Variants in TRPC5 observed in about 807,000 individuals in gnomAD.
TRPC5 encodes transient receptor potential cation channel subfamily C member 5.
In TRPC5, 9 loss-of-function variants were observed where a neutral mutation model predicts 56.5. The observed-to-expected ratio is 0.16, with a 90% CI of 0.10 to 0.28. The LOEUF (loss-of-function observed/expected upper bound fraction) is 0.28. TRPC5 is among the 10% of genes least tolerant of loss of function. The pLI is 1.00. For missense variants in TRPC5, 469 were observed against 748.9 expected (o/e 0.63, Z 4.36); for synonymous variants, 282 against 278.5 (o/e 1.01, Z -0.13).
chrX:111,866,127 A>G (rs1480084139), intron 3 of TRPC5, among the ~76,000 whole-genome samples: 3 of 113,619 alleles, frequency 2.6e-5, no homozygotes, highest in African/African-American at 6.4e-5. Context: ...CTCTCTGACA[A>G]TCCATGGATG....
chrX:111,837,234 G>C (rs1922589710), intron 6 of TRPC5, among the ~76,000 whole-genome samples: 1 of 111,453 alleles, frequency 9.0e-6, no homozygotes, highest in South Asian at 3.8e-4. Flanking sequence ...CTACCAGCCA[G>C]GGCCAGGCAA....
intron 1 of TRPC5, among the ~76,000 whole-genome samples, chrX:112,009,995 T>TA (rs937441202): frequency 8.1e-5 from 9 of 111,179 alleles, no homozygotes; most frequent in East Asian, 2.8e-4. Context: ...TAAAGTATAA[T>TA]AAAAAAAATC....
At chrX:111,831,624 C>T (rs1304691383) in intron 7 of TRPC5, among the ~76,000 whole-genome samples, 1 of 112,014 alleles carries the variant, frequency 8.9e-6, no homozygotes, top group East Asian at 2.8e-4. Context: ...TTGGACTCTC[C>T]CCAAGCCATC....
intron 3 of TRPC5, among the ~76,000 whole-genome samples, chrX:111,892,398 A>G (rs1217553261): frequency 8.9e-6 from 1 of 112,048 alleles, no homozygotes; most frequent in African/African-American, 3.2e-5. Context: ...GTTTCTAAAG[A>G]TTTAATGCTT....
intron 1 of TRPC5, among the ~76,000 whole-genome samples, chrX:112,076,768 T>A (rs1301622899): frequency 8.9e-6 from 1 of 111,996 alleles, no homozygotes; most frequent in Non-Finnish European, 1.9e-5. Flanking sequence ...ACTTCTGACT[T>A]CAGTCTTCTT....
intron 7 of TRPC5, among the ~76,000 whole-genome samples, chrX:111,784,776 C>T (rs1945947660): frequency 8.8e-6 from 1 of 113,025 alleles, no homozygotes; most frequent in East Asian, 2.8e-4. Flanking sequence ...CTCTCCCGTG[C>T]CTGGCTTGGC....
At chrX:112,003,339 T>A (rs1210606274) in intron 1 of TRPC5, among the ~76,000 whole-genome samples, 1 of 111,234 alleles carries the variant, frequency 9.0e-6, no homozygotes, top group Non-Finnish European at 1.9e-5. Flanking sequence ...CAATATCACT[T>A]AAGCTGAGAT....
chrX:112,009,047 C>A (rs1473004981), intron 1 of TRPC5, among the ~76,000 whole-genome samples: 1 of 111,547 alleles, frequency 9.0e-6, no homozygotes, highest in Non-Finnish European at 1.9e-5. Flanking sequence ...TCAAATGCTG[C>A]CCTAGCGTGG....
chrX:112,075,625 G>T (rs1930817253), intron 1 of TRPC5, among the ~76,000 whole-genome samples: 1 of 111,443 alleles, frequency 9.0e-6, no homozygotes, highest in Non-Finnish European at 1.9e-5. Flanking sequence ...TATGTCAGTG[G>T]GCCCAATGTA....
At chrX:112,015,254 C>G (rs1929091495) in intron 1 of TRPC5, among the ~76,000 whole-genome samples, 1 of 111,289 alleles carries the variant, frequency 9.0e-6, no homozygotes, top group Admixed American at 9.6e-5. Flanking sequence ...CTTTTAAACA[C>G]AGGTTCTCTA....
chrX:111,891,309 C>G (rs1443423933), intron 3 of TRPC5, among the ~76,000 whole-genome samples: 1 of 111,748 alleles, frequency 8.9e-6, no homozygotes, highest in East Asian at 2.8e-4. Flanking sequence ...TCCACAATGG[C>G]TGAACTGATT....
intron 1 of TRPC5, among the ~76,000 whole-genome samples, chrX:112,036,421 C>A (rs1929743700): frequency 9.0e-6 from 1 of 111,712 alleles, no homozygotes; most frequent in South Asian, 3.8e-4. Context: ...TTAGAACAGA[C>A]AAACACAATA....
intron 2 of TRPC5, among the ~76,000 whole-genome samples, chrX:111,925,185 A>G (rs149349927): frequency 0.025 from 2,838 of 112,455 alleles, 101 homozygotes; most frequent in African/African-American, 0.087. Flanking sequence ...CGACACAGGA[A>G]AAGATGTACC....
chrX:111,883,895 A>G (rs773233153), intron 3 of TRPC5, among the ~76,000 whole-genome samples: 1 of 112,967 alleles, frequency 8.9e-6, no homozygotes, highest in African/African-American at 3.2e-5. Context: ...CCAGGACCTA[A>G]GCCTAGTTAA....
chrX:111,815,353 A>G (rs1921826650), intron 7 of TRPC5, among the ~76,000 whole-genome samples: 1 of 111,538 alleles, frequency 9.0e-6, no homozygotes, highest in Non-Finnish European at 1.9e-5. Context: ...TCATTGTTTA[A>G]CAAGCTTCTT....
chrX:111,832,035 T>A (rs746229645), intron 7 of TRPC5, among the ~76,000 whole-genome samples: 1 of 111,330 alleles, frequency 9.0e-6, no homozygotes, highest in Admixed American at 9.6e-5. Flanking sequence ...GAGGGAGATA[T>A]AAGAATAAAA....
intron 2 of TRPC5, among the ~76,000 whole-genome samples, chrX:111,925,336 T>C (rs555078588): frequency 2.7e-5 from 3 of 112,555 alleles, no homozygotes; most frequent in South Asian, 7.3e-4. Context: ...AGGAATTCGT[T>C]ATATGCTATC....
chrX:112,042,887 AC>A (rs2057226010), intron 1 of TRPC5, among the ~76,000 whole-genome samples: 1 of 109,201 alleles, frequency 9.2e-6, no homozygotes, highest in Non-Finnish European at 1.9e-5. Flanking sequence ...TTCATTCTCA[AC>A]CCCCTGCCTT....
chrX:112,042,770 C>T (rs1239423634), intron 1 of TRPC5, among the ~76,000 whole-genome samples: 1 of 110,229 alleles, frequency 9.1e-6, no homozygotes, highest in African/African-American at 3.3e-5. Flanking sequence ...TCATATTTTT[C>T]AAACTCTCTA....
Sources: gnomAD v4.1 joint callset for allele counts (sites outside exome capture counted in the v4.1 genomes callset) on GRCh38, gnomAD v4.1.1 for gene constraint, MANE v1.5 for transcripts, NCBI Gene and HGNC (gene_info 2026-07-23, HGNC 2026-07-21) for gene names.